XKR6: variants seen among roughly 807,000 people sequenced by gnomAD.
The protein encoded by XKR6 is XK related 6.
A neutral mutation model predicts 56.7 loss-of-function variants in XKR6; 22 were observed. The observed-to-expected ratio is 0.39, with a 90% CI of 0.28 to 0.55. XKR6 has a LOEUF of 0.55. Ranked by LOEUF, XKR6 falls within the 20% of genes least tolerant of loss-of-function variation. The pLI is 0.66. For synonymous variants in XKR6, 524 were observed against 387.8 expected (o/e 1.35, Z -4.13); for missense variants, 852 against 889.0 (o/e 0.96, Z 0.53).
chr8:11,075,672 C>T (rs1458629692), intron 1 of XKR6, among the ~76,000 whole-genome samples: 3 of 152,116 alleles, frequency 2.0e-5, no homozygotes, highest in Non-Finnish European at 4.4e-5. Context: ...ATCATGAGGT[C>T]ATGAGTTTGA....
At chr8:11,081,206 G>A (rs1056275760) in intron 1 of XKR6, among the ~76,000 whole-genome samples, 2 of 152,164 alleles carry the variant, frequency 1.3e-5, no homozygotes, top group Non-Finnish European at 1.5e-5. Context: ...GAAAACTGTT[G>A]CTTCCACAGA....
intron 1 of XKR6, among the ~76,000 whole-genome samples, chr8:10,978,263 A>G (rs1802626608): frequency 6.6e-6 from 1 of 152,264 alleles, no homozygotes; most frequent in Non-Finnish European, 1.5e-5. Flanking sequence ...AGGATAGTTC[A>G]TAACTACACC....
chr8:10,911,548 T>C (rs117467207), intron 2 of XKR6, among the ~76,000 whole-genome samples: 1 of 146,756 alleles, frequency 6.8e-6, no homozygotes, highest in African/African-American at 2.5e-5. Flanking sequence ...AATATATATA[T>C]ATAGAGAGAA....
chr8:11,167,123 C>T (rs557597942), intron 1 of XKR6, among the ~76,000 whole-genome samples: 3 of 152,190 alleles, frequency 2.0e-5, no homozygotes, highest in African/African-American at 7.2e-5. Flanking sequence ...GTAGACAATT[C>T]CAAGTGCCCA....
intron 2 of XKR6, among the ~76,000 whole-genome samples, chr8:10,906,471 A>G (rs1800193356): frequency 6.6e-6 from 1 of 152,240 alleles, no homozygotes; most frequent in Non-Finnish European, 1.5e-5. Context: ...GCTAATGAGA[A>G]AGCAACAAAA....
chr8:11,190,791 T>C (rs995907567), intron 1 of XKR6, among the ~76,000 whole-genome samples: 13 of 152,328 alleles, frequency 8.5e-5, no homozygotes, highest in Admixed American at 3.3e-4. Context: ...AGCTCTGGCT[T>C]CAAAAGTTTC....
chr8:10,961,132 G>T (rs1481131217), intron 1 of XKR6, among the ~76,000 whole-genome samples: 2 of 152,144 alleles, frequency 1.3e-5, no homozygotes, highest in Non-Finnish European at 1.5e-5. Context: ...GGAGGGGAAG[G>T]CTGTGAGCGG....
At chr8:11,059,610 G>A (rs1262106823) in intron 1 of XKR6, among the ~76,000 whole-genome samples, 1 of 151,520 alleles carries the variant, frequency 6.6e-6, no homozygotes, top group Non-Finnish European at 1.5e-5. Flanking sequence ...GAGGAGCAGG[G>A]CGCTGGGGGC....
chr8:10,937,721 GGGGT>G, intron 1 of XKR6, among the ~76,000 whole-genome samples: 2 of 148,554 alleles, frequency 1.3e-5, no homozygotes, highest in Admixed American at 6.6e-5. Context: ...TCGGGGGTCA[GGGGT>G]CAGGGACCCA....
chr8:11,014,187 C>G (rs751382097), intron 1 of XKR6, among the ~76,000 whole-genome samples: 2 of 152,160 alleles, frequency 1.3e-5, no homozygotes, highest in Non-Finnish European at 2.9e-5. Flanking sequence ...TTTGCATAAT[C>G]CATATTTTCA....
At chr8:11,139,693 GA>G (rs1485227262) in intron 1 of XKR6, among the ~76,000 whole-genome samples, 1 of 152,214 alleles carries the variant, frequency 6.6e-6, no homozygotes, top group Non-Finnish European at 1.5e-5. Flanking sequence ...AAAACTGGGA[GA>G]GGGGAAGCAG....
chr8:11,191,857 A>ATT (rs1357724609), intron 1 of XKR6, among the ~76,000 whole-genome samples: 2 of 152,158 alleles, frequency 1.3e-5, no homozygotes, highest in East Asian at 3.8e-4. Flanking sequence ...CTATTAGATG[A>ATT]TTTTACGAAT....
At chr8:11,015,819 G>C (rs531506673) in intron 1 of XKR6, among the ~76,000 whole-genome samples, 4 of 152,196 alleles carry the variant, frequency 2.6e-5, no homozygotes, top group African/African-American at 9.6e-5. Flanking sequence ...TGGGCTCGGC[G>C]TATCTAGAGC....
chr8:11,195,701 T>C (rs1378311120), intron 1 of XKR6, among the ~76,000 whole-genome samples: 14 of 150,236 alleles, frequency 9.3e-5, no homozygotes, highest in Non-Finnish European at 1.5e-4. Flanking sequence ...CAGGCTGGAG[T>C]GCAGTGGCGC....
intron 1 of XKR6, chr8:11,106,618 G>T (rs1181745670): frequency 1.3e-5 from 2 of 152,282 alleles, no homozygotes; most frequent in Non-Finnish European, 2.9e-5. Flanking sequence ...GGAGGCTGAG[G>T]TGGGCAGATC....
At position 10,897,958 on chromosome 8, in the gene XKR6, T is replaced by C; in HGVS notation, c.1920A>G (p.Ser640=). The C allele has an allele frequency of 6.4e-7, 1 of 1,569,128 alleles. No individual in the cohort carries two copies. The highest frequency in any genetic ancestry group is 8.6e-7 in the Non-Finnish European group (1 of 1,158,666). Residue 640 remains serine, a synonymous_variant, in exon 3 of 3, where the codon TCA becomes TCG. Transcript: ENST00000416569. ...LLYELLQYES[S]L is the part of the protein sequence containing the mutation. ...CAACTTGGTCAAGATGCTCTTAGAG[T>C]GAAGACTCATACTGTAGCAACTCAT...
intron 1 of XKR6, among the ~76,000 whole-genome samples, chr8:10,967,917 C>G (rs571408243): frequency 6.6e-5 from 10 of 152,308 alleles, no homozygotes; most frequent in Non-Finnish European, 1.2e-4. Context: ...GCTGCCTCGG[C>G]TCTGCACTGG....
intron 1 of XKR6, among the ~76,000 whole-genome samples, chr8:11,144,197 T>G (rs951805915): frequency 2.1e-5 from 3 of 144,634 alleles, no homozygotes; most frequent in Non-Finnish European, 4.5e-5. Context: ...ATATATTTAT[T>G]TGATGTAGTT....
intron 1 of XKR6, among the ~76,000 whole-genome samples, chr8:10,996,600 T>A (rs2129141825): frequency 6.6e-6 from 1 of 152,284 alleles, no homozygotes; most frequent in African/African-American, 2.4e-5. Flanking sequence ...GTCTGCTGTA[T>A]CTACAAGTGG....
Sources: gnomAD v4.1 joint callset for allele counts (sites outside exome capture counted in the v4.1 genomes callset) on GRCh38, gnomAD v4.1.1 for gene constraint, MANE v1.5 for transcripts, NCBI Gene and HGNC (gene_info 2026-07-23, HGNC 2026-07-21) for gene names.